ROBO1: variants seen among roughly 807,000 people sequenced by gnomAD.
ROBO1 encodes roundabout homolog 1.
ROBO1 carries 149 observed loss-of-function variants against 195.9 expected under a neutral mutation model. The ratio of observed to expected loss-of-function variants is 0.76; its 90% confidence interval spans 0.67 to 0.87. The LOEUF is 0.87. Among genes scored for constraint, ROBO1 ranks in the 40% least tolerant of loss-of-function variants. The probability of loss-of-function intolerance (pLI) is 0.00; values close to 1 mark genes in which losing one functional copy is unlikely to be tolerated. For synonymous variants in ROBO1, 816 were observed against 733.2 expected, an observed-to-expected ratio of 1.11 and a Z score of -1.82; for missense variants, 1,933 against 2,068.3, an observed-to-expected ratio of 0.93 and a Z score of 1.27.
At chr3:79,310,978 A>G (rs2033458680) in intron 2 of ROBO1, among the ~76,000 whole-genome samples, 2 of 152,210 alleles carry the variant, frequency 1.3e-5, no homozygotes, top group Non-Finnish European at 2.9e-5. Context: ...ATTTGTTTCC[A>G]GAAACCTACA....
intron 14 of ROBO1, among the ~76,000 whole-genome samples, chr3:78,666,919 A>T (rs1707770626): frequency 6.6e-6 from 1 of 152,094 alleles, no homozygotes; most frequent in Non-Finnish European, 1.5e-5. Context: ...TAAGATAGAA[A>T]CACTATCCCT....
At chr3:78,891,736 C>A (rs1456135275) in intron 4 of ROBO1, among the ~76,000 whole-genome samples, 1 of 152,160 alleles carries the variant, frequency 6.6e-6, no homozygotes, top group Non-Finnish European at 1.5e-5. Context: ...TATATTCATA[C>A]ACATAGAATT....
intron 1 of ROBO1, among the ~76,000 whole-genome samples, chr3:79,686,430 T>A (rs530397604): frequency 1.5e-4 from 23 of 152,280 alleles, no homozygotes; most frequent in Admixed American, 1.2e-3. Context: ...GAAGTCAAAT[T>A]GTCCCTGTTT....
chr3:79,354,062 T>G (rs555639683), intron 2 of ROBO1, among the ~76,000 whole-genome samples: 2 of 151,854 alleles, frequency 1.3e-5, no homozygotes, highest in South Asian at 4.2e-4. Context: ...AAAAAAAAGT[T>G]ATTAAGTTAT....
intron 3 of ROBO1, among the ~76,000 whole-genome samples, chr3:79,042,389 T>G (rs1437102108): frequency 1.3e-5 from 2 of 151,872 alleles, no homozygotes; most frequent in Non-Finnish European, 2.9e-5. Context: ...AAGCTGAGAG[T>G]CAGAAAGGTA....
At chr3:79,687,991 C>G (rs191884548) in intron 1 of ROBO1, among the ~76,000 whole-genome samples, 236 of 152,040 alleles carry the variant, frequency 1.6e-3, no homozygotes, top group African/African-American at 5.4e-3. Flanking sequence ...CAATGATAGA[C>G]TGGATTAAGA....
At chr3:79,166,735 T>G (rs1027340534) in intron 2 of ROBO1, among the ~76,000 whole-genome samples, 3 of 151,728 alleles carry the variant, frequency 2.0e-5, no homozygotes, top group African/African-American at 7.3e-5. Context: ...CTGGCTAATT[T>G]TTTTTGTATT....
At chr3:79,743,674 C>T (rs1481616070) in intron 1 of ROBO1, among the ~76,000 whole-genome samples, 2 of 152,212 alleles carry the variant, frequency 1.3e-5, no homozygotes, top group African/African-American at 2.4e-5. Flanking sequence ...TCTACAGCTA[C>T]ACAAAAATAT....
At chr3:79,713,850 A>T (rs1462839494) in intron 1 of ROBO1, among the ~76,000 whole-genome samples, 1 of 152,152 alleles carries the variant, frequency 6.6e-6, no homozygotes, top group African/African-American at 2.4e-5. Flanking sequence ...TTAAATAGGG[A>T]ATCCTTTCCC....
intron 1 of ROBO1, among the ~76,000 whole-genome samples, chr3:79,758,705 A>G (rs1704535978): frequency 6.6e-6 from 1 of 152,170 alleles, no homozygotes; most frequent in Admixed American, 6.5e-5. Flanking sequence ...TGGTGTGTTG[A>G]GGGAGGGTAA....
chr3:79,396,447 A>G (rs1653562833), intron 2 of ROBO1, among the ~76,000 whole-genome samples: 1 of 152,084 alleles, frequency 6.6e-6, no homozygotes, highest in Non-Finnish European at 1.5e-5. Context: ...TATATCATGA[A>G]AGAAACATTT....
chr3:78,635,920 T>C lies in ROBO1; in HGVS notation c.3226A>G (p.Thr1076Ala), dbSNP rs1423739284. Residue 1076 changes from threonine to alanine, a missense_variant, in exon 23 of 31, where the codon ACT (threonine) becomes GCT (alanine). By Grantham distance (58) the Thr-to-Ala change is moderately conservative (BLOSUM62 0). Coordinates refer to ENST00000464233, the MANE Select transcript of ROBO1 (RefSeq NM_002941.4). ...CTGAGGTTTGACTGGATGAGCTGAG[T>C]GGTGGCGTAAGGAGTAGGCTGCCCT... is the stretch of plus-strand genomic sequence containing the variant. ...PSGQPTPYAT[T>A]QLIQSNLSNN... 3 of 1,613,768 alleles carry C rather than the reference T, an allele frequency of 1.9e-6. No homozygotes were observed. The highest frequency in any genetic ancestry group is 3.3e-5 in the Admixed American group (2 of 59,976).
At chr3:78,951,064 T>C (rs1466877863) in intron 3 of ROBO1, among the ~76,000 whole-genome samples, 1 of 151,740 alleles carries the variant, frequency 6.6e-6, no homozygotes, top group Admixed American at 6.6e-5. Context: ...TTATATATCA[T>C]ATATAACCTA....
intron 14 of ROBO1, 131 bp from the exon 15 acceptor site, chr3:78,662,245 A>T (rs1575868169): frequency 9.6e-4 from 38 of 39,714 alleles, no homozygotes; most frequent in East Asian, 7.2e-3. Context: ...TGTGATTCGG[A>T]AAAAAAAAAA....
At chr3:78,884,699 G>GGAAA (rs1559962004) in intron 4 of ROBO1, among the ~76,000 whole-genome samples, 1 of 116,568 alleles carries the variant, frequency 8.6e-6, no homozygotes, top group East Asian at 2.3e-4. Context: ...AAGGAAGGAA[G>GGAAA]GAAGGAAAGA....
chr3:79,168,851 T>C (rs75068067), intron 2 of ROBO1, among the ~76,000 whole-genome samples: 8,118 of 152,194 alleles, frequency 0.053, 279 homozygotes, highest in Middle Eastern at 0.099. Flanking sequence ...AATAATTAAT[T>C]ATAGATGTTA....
chr3:78,806,587 T>TC (rs2084548112), intron 4 of ROBO1, among the ~76,000 whole-genome samples: 1 of 152,150 alleles, frequency 6.6e-6, no homozygotes, highest in African/African-American at 2.4e-5. Context: ...AAGTAACACT[T>TC]ATAAGTCATG....
intron 2 of ROBO1, among the ~76,000 whole-genome samples, chr3:79,203,346 T>C (rs977750953): frequency 8.5e-5 from 13 of 152,212 alleles, no homozygotes; most frequent in Admixed American, 1.3e-4. Flanking sequence ...GCAACAGCCC[T>C]GAATCATTAA....
At chr3:78,895,066 C>G (rs563695569) in intron 4 of ROBO1, among the ~76,000 whole-genome samples, 2 of 152,292 alleles carry the variant, frequency 1.3e-5, no homozygotes, top group East Asian at 3.9e-4. Context: ...TTACAGAGCC[C>G]AACATGCATT....
Sources: gnomAD v4.1 joint callset for allele counts (sites outside exome capture counted in the v4.1 genomes callset) on GRCh38, gnomAD v4.1.1 for gene constraint, MANE v1.5 for transcripts, NCBI Gene and HGNC (gene_info 2026-07-23, HGNC 2026-07-21) for gene names.